DGKB: variants seen among roughly 807,000 people sequenced by gnomAD.
DGKB encodes 90 kDa diacylglycerol kinase.
DGKB carries 67 observed loss-of-function variants against 114.3 expected under a neutral mutation model. The observed-to-expected ratio is 0.59, with a 90% CI of 0.48 to 0.72. The LOEUF is 0.72. DGKB is among the 30% of genes least tolerant of loss of function. The pLI, the probability that DGKB is intolerant of heterozygous loss-of-function variation, is 0.00. For missense variants in DGKB, 907 were observed against 975.2 expected (o/e 0.93, Z 0.93); for synonymous variants, 398 against 323.1 (o/e 1.23, Z -2.49).
At chr7:14,860,924 G>T (rs1850887080) in intron 1 of DGKB, among the ~76,000 whole-genome samples, 1 of 151,892 alleles carries the variant, frequency 6.6e-6, no homozygotes, top group Admixed American at 6.6e-5. Flanking sequence ...ATTTTTCTGA[G>T]AATTAAAGAA....
intron 2 of DGKB, among the ~76,000 whole-genome samples, chr7:14,810,167 G>A (rs928696281): frequency 2.6e-5 from 4 of 152,216 alleles, no homozygotes; most frequent in African/African-American, 9.6e-5. Context: ...TAGGAAATAT[G>A]ATCCTTAAAG....
intron 20 of DGKB, among the ~76,000 whole-genome samples, chr7:14,506,110 GACTACAACAAAACACTTC>G (rs1026934241): frequency 1.3e-5 from 2 of 152,076 alleles, no homozygotes; most frequent in Admixed American, 1.3e-4. Context: ...AATGGCCAAA[GACTACAACAAAACACTTC>G]ACTAGACACG....
At chr7:14,904,448 G>T (rs540736291), upstream of DGKB, among the ~76,000 whole-genome samples, 1 of 151,890 alleles carries the variant, frequency 6.6e-6, no homozygotes, top group Non-Finnish European at 1.5e-5. Flanking sequence ...GGGGGAACAC[G>T]GAAGAAAGAA....
chr7:14,207,545 T>C (rs6461074), intron 23 of DGKB, among the ~76,000 whole-genome samples: 70,767 of 151,770 alleles, frequency 0.47, 19,337 homozygotes, highest in African/African-American at 0.77. Context: ...TGCCAGGCAA[T>C]GTACTTGGTG....
chr7:14,284,804 T>C (rs1800577623), intron 23 of DGKB, among the ~76,000 whole-genome samples: 1 of 144,550 alleles, frequency 6.9e-6, no homozygotes, highest in Non-Finnish European at 1.5e-5. Flanking sequence ...AGGTGGGAAT[T>C]GAACAATGAG....
In DGKB at chr7:14,769,278, G is replaced by GAAAGAAAGAAAGAAAGAAAGAA. The variant is rs1554265920; in HGVS notation, c.71-11548_71-11547insTTCTTTCTTTCTTTCTTTCTTT. ...AGAAAGAAAGAAAGAAAGAAAGAAAGAAAGATTTTGTAAAGGAGTTTAGTT... is the reference window on the plus strand; with the variant it reads ...AGAAAGAAAGAAAGAAAGAAAGAAAGAAAGAAAGAAAGAAAGAAAGAAAAAGATTTTGTAAAGGAGTTTAGTT... On this transcript the variant is annotated intron_variant, in intron 2 of 25. Coordinates refer to ENST00000402815, the MANE Select transcript of DGKB (RefSeq NM_001350709.2). Among the ~76,000 whole-genome samples the GAAAGAAAGAAAGAAAGAAAGAA allele has an allele frequency of 4.7e-4, 36 of 77,168 alleles. 1 individual carries two copies. Among genetic ancestry groups the GAAAGAAAGAAAGAAAGAAAGAA allele is most frequent in the African/African-American group, 3.1e-3 (32 of 10,218 alleles). 50.6% of individuals were successfully genotyped at this position (77,168 alleles called of 152,430 possible).
At chr7:14,421,068 G>C (rs537896287) in intron 21 of DGKB, among the ~76,000 whole-genome samples, 2 of 152,140 alleles carry the variant, frequency 1.3e-5, no homozygotes, top group Non-Finnish European at 2.9e-5. Context: ...CCTCTGATTG[G>C]CCAGAGTCAA....
chr7:14,451,545 G>C (rs199740976), intron 21 of DGKB, among the ~76,000 whole-genome samples: 56 of 141,164 alleles, frequency 4.0e-4, no homozygotes, highest in South Asian at 6.7e-4. Flanking sequence ...CTCTCTATCT[G>C]TCTCTCTCTC....
At chr7:14,314,466 C>T (rs1378840221) in intron 23 of DGKB, among the ~76,000 whole-genome samples, 101 of 151,612 alleles carry the variant, frequency 6.7e-4, no homozygotes, top group African/African-American at 2.2e-3. Flanking sequence ...AACCAAGGCT[C>T]GAGAACTACG....
chr7:14,861,589 C>T (rs577362880), intron 1 of DGKB, among the ~76,000 whole-genome samples: 7 of 151,914 alleles, frequency 4.6e-5, no homozygotes, highest in African/African-American at 1.7e-4. Flanking sequence ...ACATTAGATG[C>T]CTGTTTGCCT....
chr7:14,801,267 T>C (rs1413508617), intron 2 of DGKB, among the ~76,000 whole-genome samples: 1 of 152,158 alleles, frequency 6.6e-6, no homozygotes, highest in East Asian at 1.9e-4. Flanking sequence ...TGCAGGATAG[T>C]TGCATCATGT....
chr7:14,861,147 C>G (rs182744625), intron 1 of DGKB, among the ~76,000 whole-genome samples: 175 of 152,014 alleles, frequency 1.2e-3, no homozygotes, highest in African/African-American at 4.2e-3. Flanking sequence ...CACTGAAATT[C>G]TCTGACCACC....
intron 21 of DGKB, among the ~76,000 whole-genome samples, chr7:14,373,250 C>T (rs1817965876): frequency 6.6e-6 from 1 of 152,168 alleles, no homozygotes. Context: ...TATTTTGGGG[C>T]TGTTTGTTAC....
intron 1 of DGKB, among the ~76,000 whole-genome samples, chr7:14,930,597 G>T (rs1190454955): frequency 6.6e-6 from 1 of 152,082 alleles, no homozygotes. Flanking sequence ...CAATATAAAA[G>T]TTATTTGGTG....
intron 20 of DGKB, among the ~76,000 whole-genome samples, chr7:14,526,442 T>C (rs1790658462): frequency 6.6e-6 from 1 of 152,148 alleles, no homozygotes; most frequent in African/African-American, 2.4e-5. Flanking sequence ...CAATGAGTTC[T>C]GTATTACATC....
chr7:14,505,038 G>T (rs537877427), intron 20 of DGKB, among the ~76,000 whole-genome samples: 1 of 152,138 alleles, frequency 6.6e-6, no homozygotes, highest in East Asian at 1.9e-4. Flanking sequence ...AAAGCTCTAC[G>T]GTGCTATCTC....
intron 1 of DGKB, among the ~76,000 whole-genome samples, chr7:14,869,914 T>A (rs565399230): frequency 1.4e-4 from 21 of 152,160 alleles, no homozygotes; most frequent in Non-Finnish European, 2.2e-4. Flanking sequence ...TGGAAGACAA[T>A]TTAAATAATG....
chr7:14,413,959 G>A (rs1197283520), intron 21 of DGKB, among the ~76,000 whole-genome samples: 3 of 152,034 alleles, frequency 2.0e-5, no homozygotes, highest in Non-Finnish European at 4.4e-5. Flanking sequence ...ATTTGCTCTT[G>A]GAAGTTAAAG....
At chr7:14,945,126 G>A (rs954142007) in intron 1 of DGKB, among the ~76,000 whole-genome samples, 5 of 151,396 alleles carry the variant, frequency 3.3e-5, no homozygotes, top group East Asian at 1.9e-4. Flanking sequence ...AATAAATTGC[G>A]GTATAATTCA....
Sources: allele counts gnomAD v4.1 joint callset (sites outside exome capture counted in the v4.1 genomes callset), GRCh38; gene constraint gnomAD v4.1.1; transcripts MANE v1.5; gene names NCBI Gene and HGNC (gene_info 2026-07-23, HGNC 2026-07-21).